The following PEX14 variants were observed in gnomAD, a reference collection of about 807,000 sequenced individuals.
PEX14 encodes the protein peroxisomal membrane protein PEX14.
Under a neutral mutation model 49.5 loss-of-function variants are expected in PEX14, and 15 were observed. The ratio of observed to expected loss-of-function variants is 0.30; its 90% CI spans 0.20 to 0.47. The LOEUF (loss-of-function observed/expected upper bound fraction) is 0.47, where lower values mean the gene tolerates loss of function less well. Among genes scored for constraint, PEX14 ranks in the 20% least tolerant of loss-of-function variants. The probability of loss-of-function intolerance (pLI) is 1.00; values close to 1 mark genes in which losing one functional copy is unlikely to be tolerated. For missense variants in PEX14, 398 were observed against 494.8 expected (o/e 0.80, Z 1.86); for synonymous variants, 210 against 212.7 (o/e 0.99, Z 0.11).
chr1:10,530,711 C>G (rs1638625787), intron 2 of PEX14, among the ~76,000 whole-genome samples: 1 of 152,234 alleles, frequency 6.6e-6, no homozygotes, highest in Non-Finnish European at 1.5e-5. Flanking sequence ...GTTGCAGTCA[C>G]ACTCTGAGAG....
At chr1:10,475,118 C>T in intron 1 of PEX14, 116 bp downstream of exon 1, 2 of 948,288 alleles carry the variant, frequency 2.1e-6, no homozygotes, top group Non-Finnish European at 3.3e-6. Context: ...GGACCCCGAC[C>T]TCTTGCCCCC....
chr1:10,627,478 T>A (rs1411558040), intron 8 of PEX14, 115 bp downstream of exon 8: 1 of 766,020 alleles, frequency 1.3e-6, no homozygotes, highest in Non-Finnish European at 2.3e-6. Flanking sequence ...CCCATCTGTC[T>A]GGGCGACTCA....
At chr1:10,511,256 GT>G (rs1242157692) in intron 2 of PEX14, among the ~76,000 whole-genome samples, 1 of 152,064 alleles carries the variant, frequency 6.6e-6, no homozygotes, top group African/African-American at 2.4e-5. Flanking sequence ...GTTATCTCCT[GT>G]TTTTTCTAAT....
intron 3 of PEX14, among the ~76,000 whole-genome samples, chr1:10,598,219 C>T (rs1640882532): frequency 6.6e-6 from 1 of 152,224 alleles, no homozygotes; most frequent in Admixed American, 6.5e-5. Flanking sequence ...GACCTCCCAC[C>T]TGCTTTTCCC....
In PEX14 at chr1:10,494,145, G is replaced by A. The variant is rs1037606738; in HGVS notation, c.37-1129G>A. The stretch of plus-strand genomic sequence containing the variant: ...GGCTCTTGGGACAGGACTTCGGATG[G>A]AGGGATAGAGGCCTTCACCCAGCAG... On this transcript the variant is annotated intron_variant, in intron 1 of 8. Coordinates refer to ENST00000356607, the MANE Select transcript of PEX14 (RefSeq NM_004565.3). The surrounding 1 kb of genome is among the most constrained non-coding windows in gnomAD (Gnocchi z 4.3). 1.3e-5 allele frequency among the ~76,000 whole-genome samples: 2 copies of A among 152,222 alleles called. No individual in the cohort carries two copies. Among genetic ancestry groups the A allele is most frequent in the African/African-American group, 4.8e-5 (2 of 41,460 alleles).
Position 10,514,156 on chromosome 1 carries a change from C to CTGTG in PEX14, c.84+18875_84+18878dup, listed in dbSNP as rs56306413. 0.22 allele frequency among the ~76,000 whole-genome samples: 31,092 copies of CTGTG among 142,966 alleles called. 3,844 individuals carry two copies. The highest frequency in any genetic ancestry group is 0.3 in the South Asian group (1,262 of 4,264). 93.8% of individuals were successfully genotyped at this position (142,966 alleles called of 152,430 possible). On this transcript the variant is annotated intron_variant, in intron 2 of 8. Transcript: ENST00000356607. The surrounding 1 kb of genome is among the most constrained non-coding windows in gnomAD (Gnocchi z 4.4). The stretch of plus-strand genomic sequence containing the variant: ...AAAATGTATAAAATAATCTATGCCT[C>CTGTG]TGTGTGTGTGTGTGTGTGTGTGTGT...
At chr1:10,506,367 C>T (rs888770028) in intron 2 of PEX14, among the ~76,000 whole-genome samples, 1 of 152,210 alleles carries the variant, frequency 6.6e-6, no homozygotes, top group Non-Finnish European at 1.5e-5. Context: ...CAACCTCTGC[C>T]TCCCAGGTTC....
chr1:10,489,059 C>T (rs1641423632), intron 1 of PEX14, among the ~76,000 whole-genome samples: 1 of 152,184 alleles, frequency 6.6e-6, no homozygotes, highest in African/African-American at 2.4e-5. Flanking sequence ...CGGCTCACCG[C>T]AACCCCCGCC....
chr1:10,598,927 T>A (rs1336283978), intron 3 of PEX14, among the ~76,000 whole-genome samples: 1 of 152,080 alleles, frequency 6.6e-6, no homozygotes, highest in African/African-American at 2.4e-5. Flanking sequence ...CATTTGCAGT[T>A]GATGGTATCT....
chr1:10,568,063 A>G (rs1411111986), intron 3 of PEX14, among the ~76,000 whole-genome samples: 1 of 152,162 alleles, frequency 6.6e-6, no homozygotes, highest in African/African-American at 2.4e-5. Flanking sequence ...TATATTGTTT[A>G]TGGTACGTTA....
At chr1:10,562,356 TAGAAAA>T (rs1047179506) in intron 3 of PEX14, among the ~76,000 whole-genome samples, 17 of 152,246 alleles carry the variant, frequency 1.1e-4, no homozygotes, top group African/African-American at 3.1e-4. Flanking sequence ...ATGCCCTTTA[TAGAAAA>T]AGAAAAAGAT....
intron 1 of PEX14, among the ~76,000 whole-genome samples, chr1:10,482,163 C>T (rs943793114): frequency 4.7e-4 from 72 of 152,168 alleles, no homozygotes; most frequent in Non-Finnish European, 1.0e-4. Context: ...GAGTCTTGCT[C>T]TATCACCCAG....
chr1:10,593,252 T>C (rs1235275110), intron 3 of PEX14, among the ~76,000 whole-genome samples: 1 of 152,368 alleles, frequency 6.6e-6, no homozygotes, highest in South Asian at 2.1e-4. Context: ...GCTCTCTGTG[T>C]TGAGCTGAGA....
intron 1 of PEX14, among the ~76,000 whole-genome samples, chr1:10,492,923 G>A (rs1570146444): frequency 1.3e-5 from 2 of 152,218 alleles, no homozygotes; most frequent in East Asian, 3.8e-4. Flanking sequence ...GGAGAGGCAG[G>A]TGGTGTTACC....
At chr1:10,620,100 G>C (rs1235581260) in intron 5 of PEX14, among the ~76,000 whole-genome samples, 2 of 151,970 alleles carry the variant, frequency 1.3e-5, no homozygotes, top group African/African-American at 4.8e-5. Flanking sequence ...GGGTGACAGA[G>C]CAAGACTCCT....
chr1:10,536,888 T>C lies in PEX14; in HGVS notation c.169+591T>C, dbSNP rs529215542. ...GTTCTGTTGGACTTCAGGGTATTTT[T>C]CTTTTTTTGTAAAATGAAAACTACA... On this transcript the variant is annotated intron_variant, in intron 3 of 8. Coordinates refer to ENST00000356607, the MANE Select transcript of PEX14 (RefSeq NM_004565.3). Among the ~76,000 whole-genome samples the C allele has an allele frequency of 4.8e-4, 73 of 152,328 alleles. 1 individual carries two copies. The highest frequency in any genetic ancestry group is 1.7e-3 in the African/African-American group (69 of 41,562).
At chr1:10,609,346 A>G (rs1361652687) in intron 4 of PEX14, among the ~76,000 whole-genome samples, 1 of 152,198 alleles carries the variant, frequency 6.6e-6, no homozygotes, top group African/African-American at 2.4e-5. Context: ...CTTTCTAATT[A>G]GCTTTTTGTA....
At chr1:10,536,189 C>G in intron 2 of PEX14, 24 bp from the exon 3 acceptor site, 1 of 1,442,984 alleles carries the variant, frequency 6.9e-7, no homozygotes, top group Non-Finnish European at 9.8e-7. Context: ...GAAGTTTACT[C>G]CTCTATTTTC....
At chr1:10,506,580 ATG>A (rs1298355567) in intron 2 of PEX14, among the ~76,000 whole-genome samples, 2 of 152,236 alleles carry the variant, frequency 1.3e-5, no homozygotes, top group African/African-American at 4.8e-5. Context: ...CCTGGCTATA[ATG>A]TGTTCTATAA....
Sources: allele counts gnomAD v4.1 joint callset (sites outside exome capture counted in the v4.1 genomes callset), GRCh38; gene constraint gnomAD v4.1.1; non-coding constraint Gnocchi (gnomAD v3.1); transcripts MANE v1.5; gene names NCBI Gene and HGNC (gene_info 2026-07-23, HGNC 2026-07-21).